Variants in ZNF148 observed in about 807,000 individuals in gnomAD.
ZNF148 encodes the protein Beta-Enolase Repressor Factor-1.
A neutral mutation model predicts 67.7 loss-of-function variants in ZNF148; 7 were observed. That is an observed-to-expected ratio of 0.10 (90% CI 0.06 to 0.19). ZNF148 has a LOEUF of 0.19. Among genes scored for constraint, ZNF148 ranks in the 10% least tolerant of loss-of-function variants. ZNF148 has a pLI of 1.00. For synonymous variants in ZNF148, 333 were observed against 330.7 expected (o/e 1.01, Z -0.08); for missense variants, 583 against 947.1 (o/e 0.62, Z 5.05).
intron 5 of ZNF148, among the ~76,000 whole-genome samples, chr3:125,287,070 G>A (rs1009611246): frequency 6.6e-6 from 1 of 152,000 alleles, no homozygotes; most frequent in African/African-American, 2.4e-5. Context: ...ATGAAATCTT[G>A]CAAGCCAGCT....
At position 125,229,109 on chromosome 3, in the gene ZNF148, C is replaced by A. The variant is rs1032275980; in HGVS notation, c.*3232G>T. The A allele has an allele frequency of 2.2e-4, 33 of 151,006 alleles. 1 individual carries two copies. The highest frequency in any genetic ancestry group is 7.8e-4 in the African/African-American group (32 of 41,024). 9.4% of individuals were successfully genotyped at this position (151,006 alleles called of 1,614,324 possible). On this transcript the variant is annotated 3_prime_UTR_variant, in exon 9 of 9. Coordinates refer to ENST00000360647, the MANE Select transcript of ZNF148 (RefSeq NM_021964.3). The stretch of plus-strand genomic sequence containing the variant: ...CTCAATGATTATTATAGTGCTTCTT[C>A]AAGTAAATATACTGTGAAAAAAAAA...
rs113624542 is a variant in ZNF148 at position 125,279,365 on chromosome 3, G to C, written c.460-118C>G. ...GTCACCACAGATTATGAAATATTTT[G>C]TTCTTAAATGATCTTGAAAAGACTA... On this transcript the variant is annotated intron_variant, in intron 5 of 8. Coordinates refer to ENST00000360647, the MANE Select transcript of ZNF148 (RefSeq NM_021964.3). 7.3e-5 allele frequency: 61 copies of C among 836,462 alleles called. No homozygotes were observed. The Middle Eastern group carries it at 1.6e-3, about 22-fold the overall frequency. The allele number at this position is 836,462 out of a possible 1,614,324, so 51.8% of individuals were successfully genotyped here.
At chr3:125,260,601 G>C (rs1033264800) in intron 7 of ZNF148, among the ~76,000 whole-genome samples, 1 of 152,166 alleles carries the variant, frequency 6.6e-6, no homozygotes, top group African/African-American at 2.4e-5. Context: ...TTTGTCATGG[G>C]GTGTTGGTAG....
intron 7 of ZNF148, among the ~76,000 whole-genome samples, chr3:125,239,721 G>C (rs947681467): frequency 7.2e-5 from 11 of 152,202 alleles, no homozygotes; most frequent in Middle Eastern, 3.4e-3. Context: ...TATTCATAGC[G>C]GCATTATTCA....
intron 3 of ZNF148, among the ~76,000 whole-genome samples, chr3:125,317,128 T>A (rs1329975726): frequency 6.6e-6 from 1 of 152,192 alleles, no homozygotes; most frequent in African/African-American, 2.4e-5. Context: ...TCCTTTTTAC[T>A]AAGTTCCTTA....
Position 125,338,543 on chromosome 3 carries a change from C to T in ZNF148, c.-233-7305G>A, listed in dbSNP as rs189111778. On this transcript the variant is annotated intron_variant, in intron 1 of 8. Transcript: ENST00000360647. ...GGCATGGTGGTACACGCCTGTAATC[C>T]CAGCTACTTGGAAGGCTGAGGCATG... Among the ~76,000 whole-genome samples, 15 of 150,780 alleles carry T rather than the reference C, an allele frequency of 9.9e-5. No individual in the cohort carries two copies. The East Asian group carries it at 2.7e-3, about 27-fold the overall frequency.
At chr3:125,239,287 G>A (rs932416455) in intron 7 of ZNF148, among the ~76,000 whole-genome samples, 1 of 152,122 alleles carries the variant, frequency 6.6e-6, no homozygotes, top group East Asian at 1.9e-4. Context: ...TATCAGATAA[G>A]GAACGTGTAT....
intron 7 of ZNF148, among the ~76,000 whole-genome samples, chr3:125,261,825 G>GCTT (rs35313913): frequency 0.11 from 15,780 of 138,796 alleles, 1,396 homozygotes; most frequent in Non-Finnish European, 0.15. Context: ...GGGTTGACAA[G>GCTT]TTTTTTTTTT....
chr3:125,317,425 G>T (rs1940553578), intron 3 of ZNF148, among the ~76,000 whole-genome samples: 1 of 152,006 alleles, frequency 6.6e-6, no homozygotes, highest in Non-Finnish European at 1.5e-5. Flanking sequence ...CACCAAAGAA[G>T]TAAGTATAAG....
chr3:125,261,285 C>G (rs181794236), intron 7 of ZNF148, among the ~76,000 whole-genome samples: 1 of 152,210 alleles, frequency 6.6e-6, no homozygotes, highest in Non-Finnish European at 1.5e-5. Context: ...TCTGGATGAG[C>G]AGGAGAATGA....
intron 7 of ZNF148, among the ~76,000 whole-genome samples, chr3:125,239,240 A>T (rs1936236161): frequency 6.6e-6 from 1 of 152,250 alleles, no homozygotes; most frequent in Non-Finnish European, 1.5e-5. Flanking sequence ...GTGAAGACAT[A>T]ACTCCAGAAT....
At position 125,295,482 on chromosome 3, in the gene ZNF148, T is replaced by A. The variant is rs563781698; in HGVS notation, c.334-7254A>T. On this transcript the variant is annotated intron_variant, in intron 4 of 8. Transcript: ENST00000360647. ...AAAAAAAAAGACAAAATGCCAAGAA[T>A]ATTTAGATGAAACATTAGAAGACTT... Among the ~76,000 whole-genome samples, 3 of 150,888 alleles carry A rather than the reference T, an allele frequency of 2.0e-5. No individual in the cohort carries two copies. The South Asian group carries it at 6.3e-4, about 32-fold the overall frequency.
intron 3 of ZNF148, among the ~76,000 whole-genome samples, chr3:125,318,896 C>T (rs1940642763): frequency 6.6e-6 from 1 of 152,158 alleles, no homozygotes; most frequent in Non-Finnish European, 1.5e-5. Flanking sequence ...ATGATTTATT[C>T]TTCCCTCATC....
intron 7 of ZNF148, among the ~76,000 whole-genome samples, chr3:125,264,067 T>G (rs1937464478): frequency 6.6e-6 from 1 of 152,206 alleles, no homozygotes; most frequent in South Asian, 2.1e-4. Flanking sequence ...ACACCCTAAA[T>G]CCACAAGACA....
Position 125,279,297 on chromosome 3 carries a change from G to C in ZNF148, c.460-50C>G, listed in dbSNP as rs985118167. On this transcript the variant is annotated intron_variant, in intron 5 of 8. Coordinates refer to ENST00000360647, the MANE Select transcript of ZNF148 (RefSeq NM_021964.3). ...AACAAAAGAAATAAGTTTTTAAAATGTAATTAAATAGTAATTTTAAAAAAA... is the reference window on the plus strand; with the variant it reads ...AACAAAAGAAATAAGTTTTTAAAATCTAATTAAATAGTAATTTTAAAAAAA... The C allele has an allele frequency of 2.2e-6, 3 of 1,370,444 alleles. No individual in the cohort carries two copies. The South Asian group carries it at 4.7e-5, about 22-fold the overall frequency. 84.9% of individuals were successfully genotyped at this position (1,370,444 alleles called of 1,614,324 possible). A position where few individuals can be genotyped will look rare whatever the true frequency, so the allele number is the denominator to read the frequency against.
At chr3:125,357,402 C>G (rs1942388307) in intron 1 of ZNF148, 1 of 153,162 alleles carries the variant, frequency 6.5e-6, no homozygotes, top group South Asian at 2.1e-4. Context: ...GCGGGACACA[C>G]ACACACCCCC....
intron 1 of ZNF148, among the ~76,000 whole-genome samples, chr3:125,362,556 GTTTT>G (rs1942577397): frequency 1.5e-5 from 2 of 133,654 alleles, no homozygotes; most frequent in South Asian, 4.8e-4. Context: ...TTTTGTTTTT[GTTTT>G]TGTTTTTTTT....
At chr3:125,304,096 A>T (rs1939743504) in intron 4 of ZNF148, among the ~76,000 whole-genome samples, 1 of 152,188 alleles carries the variant, frequency 6.6e-6, no homozygotes, top group Admixed American at 6.5e-5. Context: ...CTATCCTCTT[A>T]TCCTCCAGGA....
At chr3:125,250,472 T>C (rs1440896107) in intron 7 of ZNF148, among the ~76,000 whole-genome samples, 1 of 152,158 alleles carries the variant, frequency 6.6e-6, no homozygotes, top group Non-Finnish European at 1.5e-5. Flanking sequence ...CATCCCTGAG[T>C]GTGGACCTCT....
Sources: allele counts gnomAD v4.1 joint callset (sites outside exome capture counted in the v4.1 genomes callset), GRCh38; gene constraint gnomAD v4.1.1; transcripts MANE v1.5; gene names NCBI Gene and HGNC (gene_info 2026-07-23, HGNC 2026-07-21).